The following PEX5L variants were observed in gnomAD, a reference collection of about 807,000 sequenced individuals.
PEX5L encodes peroxisomal biogenesis factor 5 like, also known as PEX5-related protein.
PEX5L carries 30 observed loss-of-function variants against 84.0 expected under a neutral mutation model. That is an observed-to-expected ratio of 0.36 (90% CI 0.27 to 0.48). The LOEUF (loss-of-function observed/expected upper bound fraction) is 0.48. PEX5L is among the 20% of genes least tolerant of loss of function. PEX5L has a pLI of 0.99. For missense variants in PEX5L, 533 were observed against 754.6 expected (o/e 0.71, Z 3.44); for synonymous variants, 270 against 283.1 (o/e 0.95, Z 0.46).
At chr3:179,843,074 C>G (rs1298758035) in intron 8 of PEX5L, among the ~76,000 whole-genome samples, 1 of 151,914 alleles carries the variant, frequency 6.6e-6, no homozygotes, top group Admixed American at 6.6e-5. Flanking sequence ...ATTGAAACGA[C>G]TGCAAGACAT....
At chr3:179,979,141 A>G (rs1786076188) in intron 1 of PEX5L, among the ~76,000 whole-genome samples, 1 of 152,316 alleles carries the variant, frequency 6.6e-6, no homozygotes, top group African/African-American at 2.4e-5. Flanking sequence ...ACAAAAATTC[A>G]ACTTGAAATT....
chr3:179,796,340 G>C lies in PEX5L; in HGVS notation c.*5488C>G, dbSNP rs1716947069. 6.6e-6 allele frequency: 1 copy of C among 152,140 alleles called. No homozygotes were observed. Among genetic ancestry groups the C allele is most frequent in the African/African-American group, 2.4e-5 (1 of 41,428 alleles). The allele number at this position is 152,140 out of a possible 1,614,324, so 9.4% of individuals were successfully genotyped here. A position where few individuals can be genotyped will look rare whatever the true frequency, so the allele number is the denominator to read the frequency against. Reference sequence around the variant, plus strand: ...TTTTGCTCTGACATTCTGCAGCATTGCAAGTTAGTTTTCTCTTATAGAGAA... The same window carrying C: ...TTTTGCTCTGACATTCTGCAGCATTCCAAGTTAGTTTTCTCTTATAGAGAA... On this transcript the variant is annotated 3_prime_UTR_variant, in exon 15 of 15. Transcript: ENST00000467460.
intron 1 of PEX5L, chr3:179,973,219 G>A: frequency 2.3e-6 from 3 of 1,288,332 alleles, no homozygotes; most frequent in Non-Finnish European, 3.0e-6. Flanking sequence ...GAGATGGAAT[G>A]TGGGTCCTTC....
At chr3:179,819,837 TG>T (rs760148254) in intron 9 of PEX5L, 22 bp downstream of exon 9, 3 of 1,608,184 alleles carry the variant, frequency 1.9e-6, no homozygotes, top group African/African-American at 1.3e-5. Context: ...GTAGTCAGCA[TG>T]TATAGGAACA....
chr3:179,935,779 G>A (rs1242442969), intron 2 of PEX5L, among the ~76,000 whole-genome samples: 4 of 152,160 alleles, frequency 2.6e-5, no homozygotes, highest in African/African-American at 9.7e-5. Flanking sequence ...CTGGACCATG[G>A]GGCCTCCACC....
chr3:179,977,831 A>C (rs1039781838), intron 1 of PEX5L, among the ~76,000 whole-genome samples: 2 of 152,178 alleles, frequency 1.3e-5, no homozygotes, highest in Admixed American at 6.5e-5. Flanking sequence ...TTTAAAGAAC[A>C]ATTTTTGTCT....
chr3:180,012,988 A>T (rs1466732772), intron 1 of PEX5L, among the ~76,000 whole-genome samples: 1 of 152,186 alleles, frequency 6.6e-6, no homozygotes, highest in Non-Finnish European at 1.5e-5. Context: ...TAAAAAAATT[A>T]TTCAGCAGTC....
intron 1 of PEX5L, chr3:179,974,263 G>C (rs1036636370): frequency 4.5e-6 from 4 of 895,256 alleles, no homozygotes; most frequent in Non-Finnish European, 5.3e-6. Flanking sequence ...CCAAGTGTGA[G>C]GGGGCAGGGC....
chr3:179,933,255 G>C (rs1045098236), intron 2 of PEX5L, among the ~76,000 whole-genome samples: 2 of 152,160 alleles, frequency 1.3e-5, no homozygotes, highest in African/African-American at 4.8e-5. Flanking sequence ...AGCGACTCTT[G>C]TTACCAGGAA....
rs73060722 is a variant in PEX5L at position 179,902,552 on chromosome 3, A to G, written c.94-4306T>C. On this transcript the variant is annotated intron_variant, in intron 2 of 14. Transcript: ENST00000467460. ...AAAGTAACCTAAGTATTTCATATAT[A>G]TACAAACTTCTTTTTTATTCTGTAG... is the stretch of plus-strand genomic sequence containing the variant. The G allele has an allele frequency of 1.5e-3, 522 of 337,594 alleles. 4 individuals are homozygous for G. The highest frequency in any genetic ancestry group is 0.01 in the African/African-American group (488 of 46,606). The allele number at this position is 337,594 out of a possible 1,614,324, so 20.9% of individuals were successfully genotyped here.
rs1560119268 is a variant in PEX5L, at chr3:179,798,641, C to CTGTT, written c.*3183_*3186dup. The CTGTT allele has an allele frequency of 6.6e-6, 1 of 152,160 alleles. No individual in the cohort carries two copies. The highest frequency in any genetic ancestry group is 1.5e-5 in the Non-Finnish European group (1 of 68,034). 9.4% of individuals were successfully genotyped at this position (152,160 alleles called of 1,614,324 possible). ...TAGTAAGAATACCCTCTTCTAGGAG[C>CTGTT]TGTTAGGCTGTTATACATTAATACA... is the stretch of plus-strand genomic sequence containing the variant. On this transcript the variant is annotated 3_prime_UTR_variant, in exon 15 of 15. Transcript: ENST00000467460.
At chr3:179,957,904 G>A (rs1219696283) in intron 2 of PEX5L, among the ~76,000 whole-genome samples, 1 of 152,152 alleles carries the variant, frequency 6.6e-6, no homozygotes, top group Non-Finnish European at 1.5e-5. Context: ...AGTGGCCTCA[G>A]AATGGGCACG....
chr3:179,928,452 G>A (rs1051740823), intron 2 of PEX5L, among the ~76,000 whole-genome samples: 1 of 152,064 alleles, frequency 6.6e-6, no homozygotes, highest in Non-Finnish European at 1.5e-5. Flanking sequence ...AGGGCCTCTC[G>A]GGGACACACA....
At chr3:179,953,014 T>C (rs1779521345) in intron 2 of PEX5L, among the ~76,000 whole-genome samples, 1 of 152,152 alleles carries the variant, frequency 6.6e-6, no homozygotes, top group Non-Finnish European at 1.5e-5. Flanking sequence ...GGATTCCCTA[T>C]TTAATAAATG....
At chr3:180,001,348 T>C (rs1045592924) in intron 1 of PEX5L, among the ~76,000 whole-genome samples, 5 of 148,034 alleles carry the variant, frequency 3.4e-5, no homozygotes, top group Non-Finnish European at 7.4e-5. Flanking sequence ...ATAAAATATA[T>C]AATATATATG....
At chr3:179,844,898 C>T (rs1481314602) in intron 8 of PEX5L, among the ~76,000 whole-genome samples, 1 of 152,174 alleles carries the variant, frequency 6.6e-6, no homozygotes, top group African/African-American at 2.4e-5. Context: ...CTTTATTCAC[C>T]TTGGAGGCTA....
chr3:179,900,658 GA>G (rs1760995746), intron 2 of PEX5L: 2 of 1,526,848 alleles, frequency 1.3e-6, no homozygotes, highest in Non-Finnish European at 1.8e-6. Flanking sequence ...ATTTCTTGCA[GA>G]AAAAACCCAC....
At chr3:179,941,701 T>C (rs1318511018) in intron 2 of PEX5L, among the ~76,000 whole-genome samples, 1 of 152,166 alleles carries the variant, frequency 6.6e-6, no homozygotes, top group East Asian at 1.9e-4. Flanking sequence ...ATACTAGTTA[T>C]AAGAATAGAA....
chr3:179,833,250 A>T (rs1305469796), intron 8 of PEX5L, among the ~76,000 whole-genome samples: 1 of 152,238 alleles, frequency 6.6e-6, no homozygotes, highest in Non-Finnish European at 1.5e-5. Context: ...ACAAAACTGC[A>T]TTACTTCTTA....
Sources: allele counts gnomAD v4.1 joint callset (sites outside exome capture counted in the v4.1 genomes callset), GRCh38; gene constraint gnomAD v4.1.1; transcripts MANE v1.5; gene names NCBI Gene and HGNC (gene_info 2026-07-23, HGNC 2026-07-21).